Variants in ZGRF1 observed in about 807,000 individuals in gnomAD.
ZGRF1 encodes zinc finger GRF-type containing 1.
Under a neutral mutation model 203.5 loss-of-function variants are expected in ZGRF1, and 196 were observed. The observed-to-expected ratio is 0.96, with a 90% CI of 0.86 to 1.08. The LOEUF (loss-of-function observed/expected upper bound fraction) is 1.08, where lower values mean the gene tolerates loss of function less well. Among genes scored for constraint, ZGRF1 ranks in the 50% least tolerant of loss-of-function variants. The pLI is 0.00. For missense variants in ZGRF1, 2,326 were observed against 2,416.3 expected, an observed-to-expected ratio of 0.96 and a Z score of 0.78; for synonymous variants, 809 against 841.3, an observed-to-expected ratio of 0.96 and a Z score of 0.66.
chr4:112,635,990 T>A (rs1375485824), intron 1 of ZGRF1, among the ~76,000 whole-genome samples: 1 of 151,624 alleles, frequency 6.6e-6, no homozygotes, highest in African/African-American at 2.4e-5. Context: ...GCTAACTGGA[T>A]CTTTTAAAAT....
At chr4:112,600,561 G>A (rs1463213989) in intron 10 of ZGRF1, among the ~76,000 whole-genome samples, 2 of 151,784 alleles carry the variant, frequency 1.3e-5, no homozygotes, top group Non-Finnish European at 2.9e-5. Flanking sequence ...CGTGGTGGTG[G>A]GCACCTGTAA....
chr4:112,563,068 C>G, intron 17 of ZGRF1, 63 bp downstream of exon 17: 1 of 1,376,152 alleles, frequency 7.3e-7, no homozygotes, highest in Non-Finnish European at 9.8e-7. Context: ...TTTAATCAAA[C>G]AGTGCATCTT....
chr4:112,606,161 G>A (rs1750743774), intron 8 of ZGRF1, 70 bp from the exon 9 acceptor site: 1 of 1,029,052 alleles, frequency 9.7e-7, no homozygotes, highest in Non-Finnish European at 1.5e-6. Flanking sequence ...GATTTTGATG[G>A]AAAAATAATT....
intron 16 of ZGRF1, 35 bp from the exon 17 acceptor site, chr4:112,563,309 C>T: frequency 2.0e-6 from 3 of 1,474,218 alleles, no homozygotes; most frequent in Non-Finnish European, 2.8e-6. Flanking sequence ...ATTACACAGA[C>T]ATATACAGTA....
intron 16 of ZGRF1, chr4:112,564,923 G>C (rs80039602): frequency 1.4e-6 from 1 of 715,282 alleles, no homozygotes; most frequent in East Asian, 2.6e-5. Flanking sequence ...CAACGCCAGC[G>C]CCGCCTGTCG....
chr4:112,597,401 G>C (rs566601826), intron 10 of ZGRF1, among the ~76,000 whole-genome samples: 1 of 151,910 alleles, frequency 6.6e-6, no homozygotes, highest in East Asian at 1.9e-4. Context: ...GTGTGCATCT[G>C]TAATCCCAGC....
chr4:112,596,439 A>C (rs1749024131), intron 10 of ZGRF1, among the ~76,000 whole-genome samples: 1 of 152,186 alleles, frequency 6.6e-6, no homozygotes, highest in South Asian at 2.1e-4. Context: ...AAATCTAGAA[A>C]ACACTGGGGG....
In ZGRF1 at chr4:112,581,750, T is replaced by C. The variant is rs1307958835; in HGVS notation, c.4351A>G (p.Thr1451Ala). The change falls in exon 16 of 28, where the codon ACT becomes GCT. Residue 1451 changes from threonine to alanine, a missense_variant. Transcript: ENST00000505019. ...KQYGKLKKFT[T>A]VNPEFYNEPK... Reference sequence around the variant, plus strand: ...TCATTATAAAACTCAGGATTTACAGTAGTAAACTTCTTTAGTTTGCCATAC... The same window carrying C: ...TCATTATAAAACTCAGGATTTACAGCAGTAAACTTCTTTAGTTTGCCATAC... The C allele has an allele frequency of 1.9e-6, 3 of 1,542,450 alleles. No homozygotes were observed. The highest frequency in any genetic ancestry group is 2.6e-6 in the Non-Finnish European group (3 of 1,141,672).
At position 112,584,056 on chromosome 4, in the gene ZGRF1, A is replaced by G; in HGVS notation, c.4220T>C (p.Leu1407Ser). ...TAAGCCAATACTCTTAATATCACTT[A>G]AAACCATGCCAGGTCGAGCTCCTTC... ...TQEGARPGMVLSDIKSIGLYL... is the reference protein window; with the variant it reads ...TQEGARPGMVSSDIKSIGLYL... The change falls in exon 15 of 28, where the codon TTA becomes TCA. Residue 1407 changes from leucine to serine, a missense_variant. Transcript: ENST00000505019. 1 of 1,613,672 alleles carries G rather than the reference A, an allele frequency of 6.2e-7. No homozygotes were observed. Among genetic ancestry groups the G allele is most frequent in the Non-Finnish European group, 8.5e-7 (1 of 1,179,694 alleles).
At chr4:112,599,415 T>C (rs189650503) in intron 10 of ZGRF1, among the ~76,000 whole-genome samples, 30 of 152,148 alleles carry the variant, frequency 2.0e-4, no homozygotes, top group Non-Finnish European at 4.0e-4. Flanking sequence ...GGTGGGAAGA[T>C]TTAAAGATAC....
In ZGRF1 at chr4:112,581,821, AT is replaced by A; in HGVS notation, c.4299-20del. 8.2e-7 allele frequency: 1 copy of A among 1,224,596 alleles called. No individual in the cohort carries two copies. Among genetic ancestry groups the A allele is most frequent in the Non-Finnish European group, 1.1e-6 (1 of 917,110 alleles). The allele number at this position is 1,224,596 out of a possible 1,614,324, so 75.9% of individuals were successfully genotyped here. A position where few individuals can be genotyped will look rare whatever the true frequency, so the allele number is the denominator to read the frequency against. Reference sequence around the variant, plus strand: ...TCCTTTTCTGAAAAGGGAATAAAAAATAAAAATGAATTGTAATATTAAGATG... The same window carrying A: ...TCCTTTTCTGAAAAGGGAATAAAAAAAAAAATGAATTGTAATATTAAGATG... On this transcript the variant is annotated intron_variant, in intron 15 of 27. Coordinates refer to ENST00000505019, the MANE Select transcript of ZGRF1 (RefSeq NM_018392.5).
At chr4:112,541,899 A>T (rs781684112) in intron 24 of ZGRF1, among the ~76,000 whole-genome samples, 2 of 152,200 alleles carry the variant, frequency 1.3e-5, no homozygotes, top group African/African-American at 4.8e-5. Flanking sequence ...AAAAATTAGG[A>T]GGTGTCGTAA....
intron 22 of ZGRF1, among the ~76,000 whole-genome samples, chr4:112,550,969 A>G (rs1739838540): frequency 6.6e-6 from 1 of 152,196 alleles, no homozygotes; most frequent in Non-Finnish European, 1.5e-5. Flanking sequence ...TGCAAGCTCC[A>G]TTCATGGTCA....
intron 10 of ZGRF1, among the ~76,000 whole-genome samples, chr4:112,592,060 C>T (rs956595972): frequency 6.6e-6 from 1 of 150,688 alleles, no homozygotes; most frequent in Non-Finnish European, 1.5e-5. Flanking sequence ...GAGTTTGCTA[C>T]ATACATGGTC....
At chr4:112,549,461 C>T (rs796730479) in intron 22 of ZGRF1, among the ~76,000 whole-genome samples, 6 of 152,230 alleles carry the variant, frequency 3.9e-5, no homozygotes, top group African/African-American at 1.4e-4. Flanking sequence ...TATACATATA[C>T]AGTCATGTGC....
intron 16 of ZGRF1, among the ~76,000 whole-genome samples, chr4:112,572,947 G>A (rs1364624511): frequency 2.0e-5 from 3 of 152,168 alleles, no homozygotes; most frequent in African/African-American, 7.2e-5. Context: ...ACTGCTAGTG[G>A]AAATGTAATC....
chr4:112,566,040 T>A (rs1446315453), intron 16 of ZGRF1, among the ~76,000 whole-genome samples: 1 of 152,152 alleles, frequency 6.6e-6, no homozygotes, highest in East Asian at 1.9e-4. Flanking sequence ...TAAAGACACA[T>A]GCACACATAT....
At chr4:112,633,488 C>T (rs1479766101) in intron 1 of ZGRF1, among the ~76,000 whole-genome samples, 1 of 152,154 alleles carries the variant, frequency 6.6e-6, no homozygotes, top group Admixed American at 6.5e-5. Context: ...AACTTGTAGT[C>T]TGCATTTTTC....
At chr4:112,541,945 T>C (rs1289491477) in intron 24 of ZGRF1, among the ~76,000 whole-genome samples, 1 of 152,236 alleles carries the variant, frequency 6.6e-6, no homozygotes, top group Non-Finnish European at 1.5e-5. Flanking sequence ...GTAAAAGCCA[T>C]TTTTCATTCT....
Sources: gnomAD v4.1 joint callset for allele counts (sites outside exome capture counted in the v4.1 genomes callset) on GRCh38, gnomAD v4.1.1 for gene constraint, MANE v1.5 for transcripts, NCBI Gene and HGNC (gene_info 2026-07-23, HGNC 2026-07-21) for gene names.